PHF21B: variants seen among roughly 807,000 people sequenced by gnomAD.
The protein encoded by PHF21B is PHD finger protein 21B, also known as PHD finger protein 4.
Under a neutral mutation model 62.2 loss-of-function variants are expected in PHF21B, and 22 were observed. That is an observed-to-expected ratio of 0.35 (90% CI 0.25 to 0.51). The LOEUF (loss-of-function observed/expected upper bound fraction) is 0.51. PHF21B is among the 20% of genes least tolerant of loss of function. The pLI, the probability that PHF21B is intolerant of heterozygous loss-of-function variation, is 0.97. For missense variants in PHF21B, 701 were observed against 707.9 expected (o/e 0.99, Z 0.11); for synonymous variants, 341 against 314.7 (o/e 1.08, Z -0.88).
At chr22:44,914,397 CT>C (rs1330700855) in intron 4 of PHF21B, among the ~76,000 whole-genome samples, 1 of 152,244 alleles carries the variant, frequency 6.6e-6, no homozygotes, top group Non-Finnish European at 1.5e-5. Flanking sequence ...GTCACTGCTT[CT>C]GAGAGTCAGG....
At position 45,009,176 on chromosome 22, in the gene PHF21B, T is replaced by C; in HGVS notation, c.54+320A>G. 1 of 440,278 alleles carries C rather than the reference T, an allele frequency of 2.3e-6. No homozygotes were observed. The highest frequency in any genetic ancestry group is 3.6e-6 in the Non-Finnish European group (1 of 276,880). 27.3% of individuals were successfully genotyped at this position (440,278 alleles called of 1,614,324 possible). On this transcript the variant is annotated intron_variant, in intron 1 of 12. Transcript: ENST00000313237. The surrounding 1 kb of genome is among the most constrained non-coding windows in gnomAD (Gnocchi z 5.9). ...GGAAGGGGGCCTATTCGCACTCCCC[T>C]CCCCGGGACCGGCTCACGAAGGGGC...
chr22:44,898,879 A>G (rs940810316), intron 5 of PHF21B, among the ~76,000 whole-genome samples: 3 of 152,150 alleles, frequency 2.0e-5, no homozygotes, highest in African/African-American at 7.2e-5. Flanking sequence ...AATACCATTT[A>G]CTGAAAATTC....
At chr22:44,926,188 G>C (rs2071627593) in intron 2 of PHF21B, among the ~76,000 whole-genome samples, 1 of 151,698 alleles carries the variant, frequency 6.6e-6, no homozygotes, top group African/African-American at 2.4e-5. Context: ...TGGATTCCCA[G>C]GGAAGCACAT....
chr22:44,982,726 C>T (rs999295188), intron 2 of PHF21B, among the ~76,000 whole-genome samples: 4 of 152,170 alleles, frequency 2.6e-5, no homozygotes, highest in African/African-American at 7.2e-5. Context: ...TTACAGAGGG[C>T]ATTTAAAATT....
intron 5 of PHF21B, chr22:44,901,812 A>T (rs1039683503): frequency 2.6e-4 from 75 of 286,378 alleles, no homozygotes; most frequent in Non-Finnish European, 1.4e-5. Context: ...GCTAAATCCA[A>T]GGTTGAAAAG....
At chr22:44,979,508 A>G (rs1232755168) in intron 2 of PHF21B, among the ~76,000 whole-genome samples, 1 of 152,226 alleles carries the variant, frequency 6.6e-6, no homozygotes, top group Non-Finnish European at 1.5e-5. Context: ...AGCCAGTGGC[A>G]GAAAGGAAAG....
intron 2 of PHF21B, among the ~76,000 whole-genome samples, chr22:44,940,438 G>A (rs569318231): frequency 6.6e-6 from 1 of 152,374 alleles, no homozygotes; most frequent in Admixed American, 6.5e-5. Flanking sequence ...AGGCTTCACC[G>A]CGCAGCGGGG....
intron 9 of PHF21B, 37 bp from the exon 10 acceptor site, chr22:44,888,158 C>A: frequency 1.4e-6 from 2 of 1,462,564 alleles, no homozygotes; most frequent in South Asian, 1.4e-5. Context: ...AGGTCAGCCA[C>A]AGCCAGGGCA....
chr22:44,896,006 C>A (rs2071050668), intron 6 of PHF21B, 26 bp downstream of exon 6: 2 of 1,613,994 alleles, frequency 1.2e-6, no homozygotes, highest in African/African-American at 2.7e-5. Flanking sequence ...CCAGCCCAAC[C>A]TGCTGCTACC....
chr22:44,972,989 A>C (rs965834545), intron 2 of PHF21B, among the ~76,000 whole-genome samples: 1 of 152,186 alleles, frequency 6.6e-6, no homozygotes, highest in Non-Finnish European at 1.5e-5. Context: ...CTCAGCTGTG[A>C]GAATGACACC....
intron 5 of PHF21B, among the ~76,000 whole-genome samples, chr22:44,896,557 A>G (rs1399475081): frequency 2.0e-5 from 3 of 152,236 alleles, no homozygotes; most frequent in Admixed American, 6.5e-5. Context: ...TCAATGTCAC[A>G]TAACACGTCA....
At chr22:44,925,572 T>G (rs136682) in intron 2 of PHF21B, among the ~76,000 whole-genome samples, 1 of 152,172 alleles carries the variant, frequency 6.6e-6, no homozygotes, top group Non-Finnish European at 1.5e-5. Flanking sequence ...GATATCCACT[T>G]TGGACATTTG....
At chr22:44,892,230 C>T (rs949332295) in intron 7 of PHF21B, among the ~76,000 whole-genome samples, 10 of 152,154 alleles carry the variant, frequency 6.6e-5, no homozygotes, top group Non-Finnish European at 1.3e-4. Flanking sequence ...ACGAAGGGTC[C>T]GAGTCAGGGG....
chr22:44,956,644 C>T (rs1289705343), intron 2 of PHF21B, among the ~76,000 whole-genome samples: 2 of 152,058 alleles, frequency 1.3e-5, no homozygotes, highest in African/African-American at 4.8e-5. Flanking sequence ...CCTCGAGGGA[C>T]CCTCCACAAG....
intron 2 of PHF21B, among the ~76,000 whole-genome samples, chr22:44,971,640 G>A (rs1279198344): frequency 6.6e-6 from 1 of 152,130 alleles, no homozygotes; most frequent in Admixed American, 6.5e-5. Flanking sequence ...GCCCTTGGGC[G>A]GCTCTCTCTC....
chr22:44,942,716 G>A (rs927868981), intron 2 of PHF21B, among the ~76,000 whole-genome samples: 2 of 152,168 alleles, frequency 1.3e-5, no homozygotes, highest in African/African-American at 2.4e-5. Flanking sequence ...CCCAGCGCAC[G>A]AGCTGTCGGG....
At chr22:45,004,740 CATTGCTGGACACAGCTG>C (rs1367632820) in intron 2 of PHF21B, among the ~76,000 whole-genome samples, 3 of 152,258 alleles carry the variant, frequency 2.0e-5, no homozygotes, top group African/African-American at 7.2e-5. Flanking sequence ...TGGAATCCCC[CATTGCTGGACACAGCTG>C]GTAAGTCATG....
intron 2 of PHF21B, among the ~76,000 whole-genome samples, chr22:44,976,908 T>C (rs937722538): frequency 2.6e-5 from 4 of 152,072 alleles, no homozygotes; most frequent in African/African-American, 9.7e-5. Context: ...GAGGCCCAGG[T>C]GTGAGGACCG....
intron 2 of PHF21B, among the ~76,000 whole-genome samples, chr22:44,935,597 G>C (rs1358146426): frequency 6.7e-6 from 1 of 148,648 alleles, no homozygotes; most frequent in Non-Finnish European, 1.5e-5. Flanking sequence ...CTGGGCGACA[G>C]AGCAAGACTC....
Sources: gnomAD v4.1 joint callset for allele counts (sites outside exome capture counted in the v4.1 genomes callset) on GRCh38, gnomAD v4.1.1 for gene constraint, Gnocchi (gnomAD v3.1) non-coding constraint, MANE v1.5 for transcripts, NCBI Gene and HGNC (gene_info 2026-07-23, HGNC 2026-07-21) for gene names.